CHEK2: variants seen among roughly 807,000 people sequenced by gnomAD.
CHEK2 encodes the protein checkpoint kinase 2, also known as serine/threonine-protein kinase Chk2.
CHEK2 carries 71 observed loss-of-function variants against 69.1 expected under a neutral mutation model. The observed-to-expected ratio is 1.03, with a 90% CI of 0.85 to 1.25. The LOEUF (loss-of-function observed/expected upper bound fraction) is 1.25, where lower values mean the gene tolerates loss of function less well. Among genes scored for constraint, CHEK2 ranks in the 50% most tolerant of loss-of-function variants. The probability of loss-of-function intolerance (pLI) is 0.00; values close to 1 mark genes in which losing one functional copy is unlikely to be tolerated. For missense variants in CHEK2, 664 were observed against 649.6 expected, an observed-to-expected ratio of 1.02 and a Z score of -0.24; for synonymous variants, 189 against 226.9, an observed-to-expected ratio of 0.83 and a Z score of 1.50.
chr22:28,704,998 A>G (rs1343472853), intron 7 of CHEK2, among the ~76,000 whole-genome samples: 1 of 152,146 alleles, frequency 6.6e-6, no homozygotes. Context: ...GCCAAGTCAG[A>G]AAAGACTTCA....
chr22:28,723,123 AAC>A (rs2053857505), intron 4 of CHEK2, among the ~76,000 whole-genome samples: 1 of 152,184 alleles, frequency 6.6e-6, no homozygotes, highest in Non-Finnish European at 1.5e-5. Flanking sequence ...TACCCAGAAA[AAC>A]AGTTGTTCAT....
chr22:28,709,102 GA>G, intron 7 of CHEK2: 2 of 186,836 alleles, frequency 1.1e-5, no homozygotes, highest in Non-Finnish European at 1.2e-5. Context: ...GAAGAAACGG[GA>G]AAAAAACAAA....
chr22:28,699,900 TC>T lies in CHEK2; in HGVS notation c.945del (p.Asn316IlefsTer4), dbSNP rs2052765649. On this transcript the variant is annotated frameshift_variant, in exon 9 of 15. Transcript: ENST00000404276. LOFTEE classifies it high-confidence loss of function. ...CAGGTAGCTTCTTTCAGGCGTTTATTCCCCACCACTTTGTCAAACAGCTCTC... is the reference window on the plus strand; with the variant it reads ...CAGGTAGCTTCTTTCAGGCGTTTATTCCCACCACTTTGTCAAACAGCTCTC... ...EGGELFDKVV[G>X]NKRLKEATCK... 1 of 1,614,054 alleles carries T rather than the reference TC, an allele frequency of 6.2e-7. No individual in the cohort carries two copies. The highest frequency in any genetic ancestry group is 1.1e-5 in the South Asian group (1 of 91,074).
At chr22:28,737,433 C>G in intron 1 of CHEK2, 1 of 326,816 alleles carries the variant, frequency 3.1e-6, no homozygotes, top group Non-Finnish European at 6.3e-6. Context: ...AACACAAGCA[C>G]TGCAAAACCA....
Position 28,695,694 on chromosome 22 carries a change from T to C in CHEK2, c.1259+16A>G, listed in dbSNP as rs756361647. 3 of 1,611,456 alleles carry C rather than the reference T, an allele frequency of 1.9e-6. No homozygotes were observed. The highest frequency in any genetic ancestry group is 2.5e-6 in the Non-Finnish European group (3 of 1,177,598). On this transcript the variant is annotated intron_variant, in intron 11 of 14. Transcript: ENST00000404276. ...CACCTCCTACCAGTCTGTGCAGCAA[T>C]GAAAATATTTCTTACCAGATAAAAA...
In CHEK2 at chr22:28,704,754, T is replaced by C. The variant is rs1030245066; in HGVS notation, c.847-1188A>G. On this transcript the variant is annotated intron_variant, in intron 7 of 14. Transcript: ENST00000404276. ...CCAGCACATTGGAGGACTGTAGTTA[T>C]ATCAGAATTAAAAAGAAAAGAGTCA... is the stretch of plus-strand genomic sequence containing the variant. Among the ~76,000 whole-genome samples, 57 of 152,200 alleles carry C rather than the reference T, an allele frequency of 3.7e-4. 1 individual carries two copies. The highest frequency in any genetic ancestry group is 2.6e-3 in the Admixed American group (40 of 15,274).
At chr22:28,691,285 G>A (rs538519015) in intron 13 of CHEK2, among the ~76,000 whole-genome samples, 1 of 152,150 alleles carries the variant, frequency 6.6e-6, no homozygotes, top group Non-Finnish European at 1.5e-5. Flanking sequence ...TTCGAGACCA[G>A]TCTGACCAAC....
At chr22:28,717,414 T>C (rs1298076874) in intron 5 of CHEK2, among the ~76,000 whole-genome samples, 1 of 152,042 alleles carries the variant, frequency 6.6e-6, no homozygotes, top group Admixed American at 6.6e-5. Context: ...TCTTAACATG[T>C]AGTAAATTTA....
chr22:28,696,682 T>C (rs1031636654), intron 10 of CHEK2, among the ~76,000 whole-genome samples: 7 of 152,126 alleles, frequency 4.6e-5, no homozygotes, highest in Admixed American at 2.6e-4. Flanking sequence ...AGACCCCTCC[T>C]CTCTCTCTAA....
chr22:28,705,549 A>C (rs188954332), intron 7 of CHEK2, among the ~76,000 whole-genome samples: 2 of 152,350 alleles, frequency 1.3e-5, no homozygotes, highest in Admixed American at 6.5e-5. Context: ...TGGATAAGGG[A>C]CACTCAATCT....
chr22:28,727,104 C>T (rs2054037160), intron 2 of CHEK2, among the ~76,000 whole-genome samples: 2 of 152,076 alleles, frequency 1.3e-5, no homozygotes, highest in African/African-American at 2.4e-5. Context: ...TGCGGTGGCG[C>T]GATCTCGGCT....
chr22:28,721,410 C>T, intron 4 of CHEK2: 2 of 290,094 alleles, frequency 6.9e-6, no homozygotes, highest in South Asian at 3.4e-5. Context: ...CCTCAGACCC[C>T]TGAGTAGCTG....
At chr22:28,740,368 C>G (rs1318452178) in intron 1 of CHEK2, among the ~76,000 whole-genome samples, 1 of 152,184 alleles carries the variant, frequency 6.6e-6, no homozygotes, top group African/African-American at 2.4e-5. Flanking sequence ...CCAGTATCCG[C>G]CATCAAAGGC....
intron 1 of CHEK2, chr22:28,737,436 C>A (rs1327751067): frequency 3.1e-6 from 1 of 319,974 alleles, no homozygotes; most frequent in Non-Finnish European, 6.4e-6. Context: ...ACAAGCACTG[C>A]AAAACCATGT....
In CHEK2 at chr22:28,695,211, T is replaced by C. The variant is rs1064793470; in HGVS notation, c.1291A>G (p.Arg431Gly). ...LSGYPPFSEH[R>G]TQVSLKDQIT... ...TGATCCTTCAGTGACACTTGAGTCC[T>C]ATGCTCAGAGAAAGGTGGATACCCA... Residue 431 changes from arginine to glycine, a missense_variant, in exon 12 of 15, where the codon AGG becomes GGG. Coordinates refer to ENST00000404276, the MANE Select transcript of CHEK2 (RefSeq NM_007194.4). The C allele has an allele frequency of 1.2e-6, 2 of 1,612,532 alleles. No individual in the cohort carries two copies. Among genetic ancestry groups the C allele is most frequent in the Non-Finnish European group, 1.7e-6 (2 of 1,178,704 alleles).
chr22:28,690,657 G>C (rs2052326786), intron 13 of CHEK2, among the ~76,000 whole-genome samples: 1 of 151,268 alleles, frequency 6.6e-6, no homozygotes, highest in Non-Finnish European at 1.5e-5. Context: ...ATTTAAATTA[G>C]CCAGACATGG....
At chr22:28,728,272 A>G (rs2054078003) in intron 2 of CHEK2, 1 of 152,250 alleles carries the variant, frequency 6.6e-6, no homozygotes, top group South Asian at 2.1e-4. Flanking sequence ...TACTGATCTG[A>G]CAGAAATAAA....
At chr22:28,688,025 A>C in intron 14 of CHEK2, 39 bp from the exon 15 acceptor site, 1 of 1,430,498 alleles carries the variant, frequency 7.0e-7, no homozygotes, top group Non-Finnish European at 9.7e-7. Context: ...TCAAAAGAAA[A>C]TCACTGGCTT....
chr22:28,736,533 C>G (rs941601782), intron 1 of CHEK2, among the ~76,000 whole-genome samples: 5 of 152,238 alleles, frequency 3.3e-5, no homozygotes, highest in African/African-American at 1.2e-4. Context: ...TTTTCAGCAT[C>G]CTAAATGGCC....
Sources: gnomAD v4.1 joint callset for allele counts (sites outside exome capture counted in the v4.1 genomes callset) on GRCh38, gnomAD v4.1.1 for gene constraint, MANE v1.5 for transcripts, NCBI Gene and HGNC (gene_info 2026-07-23, HGNC 2026-07-21) for gene names.